LINGO2: variants seen among roughly 807,000 people sequenced by gnomAD.
The protein encoded by LINGO2 is leucine-rich repeat and immunoglobulin-like domain-containing nogo receptor-interacting protein 2.
Under a neutral mutation model 30.6 loss-of-function variants are expected in LINGO2, and 14 were observed. That is an observed-to-expected ratio of 0.46 (90% CI 0.30 to 0.72). The LOEUF is 0.72. Ranked by LOEUF, LINGO2 falls within the 30% of genes least tolerant of loss-of-function variation. The pLI, the probability that LINGO2 is intolerant of heterozygous loss-of-function variation, is 0.07. For synonymous variants in LINGO2, 317 were observed against 288.5 expected (o/e 1.10, Z -1.00); for missense variants, 729 against 751.7 (o/e 0.97, Z 0.35).
chr9:28,417,039 C>A (rs1365365964), intron 2 of LINGO2, among the ~76,000 whole-genome samples: 1 of 152,012 alleles, frequency 6.6e-6, no homozygotes, highest in Non-Finnish European at 1.5e-5. Context: ...TGTAACTGAC[C>A]TAGTGAATAA....
chr9:28,550,858 T>A (rs1822242264), intron 1 of LINGO2, among the ~76,000 whole-genome samples: 1 of 151,866 alleles, frequency 6.6e-6, no homozygotes. Flanking sequence ...TTAAAATATA[T>A]AATCAATGCT....
chr9:28,684,336 C>T, the LINGO2 span, among the ~76,000 whole-genome samples: 1 of 150,156 alleles, frequency 6.7e-6, no homozygotes. Context: ...TACAGGCGCC[C>T]GCCACCACGC....
At chr9:29,019,764 T>C in the LINGO2 span, among the ~76,000 whole-genome samples, 1 of 152,176 alleles carries the variant, frequency 6.6e-6, no homozygotes, top group Admixed American at 6.6e-5. Context: ...AGAAAATATT[T>C]TTTTTTTGTA....
the LINGO2 span, among the ~76,000 whole-genome samples, chr9:28,912,621 T>C: frequency 9.9e-5 from 15 of 152,268 alleles, no homozygotes; most frequent in Non-Finnish European, 1.9e-4. Context: ...GGCTCATGCT[T>C]TAACCATTAT....
intron 3 of LINGO2, among the ~76,000 whole-genome samples, chr9:28,336,639 G>T (rs907572453): frequency 6.6e-6 from 1 of 151,928 alleles, no homozygotes; most frequent in African/African-American, 2.4e-5. Context: ...CTGTTCAATG[G>T]TTCTAGTACT....
At chr9:29,148,465 G>C in the LINGO2 span, among the ~76,000 whole-genome samples, 1 of 152,078 alleles carries the variant, frequency 6.6e-6, no homozygotes, top group Non-Finnish European at 1.5e-5. Context: ...TACACTTTTG[G>C]TGTCTATGAT....
At chr9:28,675,905 G>GTATATATATATATACA in the LINGO2 span, among the ~76,000 whole-genome samples, 1 of 126,064 alleles carries the variant, frequency 7.9e-6, no homozygotes, top group African/African-American at 2.9e-5. Context: ...GTGTGTGTAT[G>GTATATATATATATACA]TATATATATA....
chr9:28,157,778 T>C (rs958169366), intron 4 of LINGO2, among the ~76,000 whole-genome samples: 2 of 152,188 alleles, frequency 1.3e-5, no homozygotes, highest in East Asian at 3.9e-4. Context: ...TCCACAACTC[T>C]CCAGGGCAGG....
chr9:29,028,635 C>T, the LINGO2 span, among the ~76,000 whole-genome samples: 1 of 152,056 alleles, frequency 6.6e-6, no homozygotes, highest in Non-Finnish European at 1.5e-5. Context: ...TGATGGTTTG[C>T]CTATTTTGAA....
chr9:28,038,014 A>G (rs1422226862), intron 4 of LINGO2, among the ~76,000 whole-genome samples: 1 of 152,230 alleles, frequency 6.6e-6, no homozygotes, highest in African/African-American at 2.4e-5. Flanking sequence ...TAACTGAACT[A>G]AGATGAAACA....
the LINGO2 span, among the ~76,000 whole-genome samples, chr9:28,943,658 G>T: frequency 6.6e-6 from 1 of 151,700 alleles, no homozygotes; most frequent in African/African-American, 2.4e-5. Flanking sequence ...TGCATGAAAG[G>T]TAAGTGCTGT....
the LINGO2 span, among the ~76,000 whole-genome samples, chr9:28,846,386 G>C: frequency 6.7e-6 from 1 of 149,086 alleles, no homozygotes; most frequent in Non-Finnish European, 1.5e-5. Flanking sequence ...TATTTAGAAT[G>C]CTTTTGCCAT....
chr9:28,582,743 G>C (rs768018629), intron 1 of LINGO2, among the ~76,000 whole-genome samples: 3 of 152,050 alleles, frequency 2.0e-5, no homozygotes, highest in Admixed American at 6.6e-5. Context: ...TACAAACGCA[G>C]CTCTCCTTTA....
At chr9:28,467,041 G>A (rs150575978) in intron 2 of LINGO2, among the ~76,000 whole-genome samples, 5 of 150,544 alleles carry the variant, frequency 3.3e-5, no homozygotes, top group African/African-American at 7.3e-5. Flanking sequence ...TTTTTGGGGG[G>A]GGGGGACGGA....
intron 4 of LINGO2, among the ~76,000 whole-genome samples, chr9:28,052,900 TCCA>T (rs1011908539): frequency 5.9e-5 from 9 of 152,140 alleles, no homozygotes; most frequent in African/African-American, 2.2e-4. Flanking sequence ...GCTACTGTAC[TCCA>T]CATCTATGTG....
At chr9:28,125,836 A>C (rs1369198331) in intron 4 of LINGO2, among the ~76,000 whole-genome samples, 1 of 152,194 alleles carries the variant, frequency 6.6e-6, no homozygotes, top group Non-Finnish European at 1.5e-5. Context: ...GCTACTTTCA[A>C]ATCCAATTCC....
At chr9:27,975,238 G>GAT (rs989770647) in intron 5 of LINGO2, among the ~76,000 whole-genome samples, 3 of 152,076 alleles carry the variant, frequency 2.0e-5, no homozygotes, top group African/African-American at 7.2e-5. Context: ...TCAATACTGT[G>GAT]ATTAACGTGC....
chr9:29,203,210 T>C, the LINGO2 span, among the ~76,000 whole-genome samples: 84 of 152,246 alleles, frequency 5.5e-4, no homozygotes, highest in African/African-American at 1.9e-3. Flanking sequence ...GGTAATGGAC[T>C]ACCATCAATC....
chr9:28,196,109 C>G (rs560017725), intron 4 of LINGO2, among the ~76,000 whole-genome samples: 53 of 151,532 alleles, frequency 3.5e-4, no homozygotes, highest in Admixed American at 2.6e-3. Context: ...TCCTTTTTGA[C>G]AAAATCTCTT....
Sources: gnomAD v4.1 joint callset for allele counts (sites outside exome capture counted in the v4.1 genomes callset) on GRCh38, gnomAD v4.1.1 for gene constraint, MANE v1.5 for transcripts, NCBI Gene and HGNC (gene_info 2026-07-23, HGNC 2026-07-21) for gene names.